Variants in CDKN2B-AS1 observed in about 807,000 individuals in gnomAD.
The protein encoded by CDKN2B-AS1 is CDKN2B and CDKN2A antisense cis and trans regulatory RNA 1.
At chr9:22,113,511 G>A (rs1048288719) in intron 4 of CDKN2B-AS1, among the ~76,000 whole-genome samples, 4 of 152,192 alleles carry the variant, frequency 2.6e-5, no homozygotes, top group African/African-American at 9.6e-5. Flanking sequence ...GCAGAGACTA[G>A]GGTATAAAAT....
intron 4 of CDKN2B-AS1, among the ~76,000 whole-genome samples, chr9:22,059,283 T>C (rs987380460): frequency 6.6e-6 from 1 of 152,202 alleles, no homozygotes; most frequent in African/African-American, 2.4e-5. Context: ...ACTTCCTAGA[T>C]ACAATGGTGG....
chr9:22,047,890 C>T (rs552494246), intron 2 of CDKN2B-AS1, among the ~76,000 whole-genome samples: 1 of 151,426 alleles, frequency 6.6e-6, no homozygotes, highest in Non-Finnish European at 1.5e-5. Flanking sequence ...GGGCTATAGT[C>T]GTCCTCCTGC....
chr9:22,006,035 C>T lies in CDKN2B-AS1; in HGVS notation n.29+10874C>T. ...GGTACCCTGCAACGTCGCGGTGGCC[C>T]CGCTCCTCGGCCAAGTCCACGGGCA... On this transcript the variant is annotated intron_variant and non_coding_transcript_variant, in intron 1 of 4. Coordinates refer to ENST00000650946, the Ensembl canonical transcript of CDKN2B-AS1. This position sits in a 1 kb window ranked among gnomAD's most constrained non-coding sequence, Gnocchi z 6.4. 1.2e-6 allele frequency: 2 copies of T among 1,604,258 alleles called. No individual in the cohort carries two copies. The highest frequency in any genetic ancestry group is 1.7e-6 in the Non-Finnish European group (2 of 1,179,484).
rs1287621042 is a variant in CDKN2B-AS1 at position 21,997,686 on chromosome 9, A to C, written n.29+2525A>C. Among the ~76,000 whole-genome samples, 2 of 152,060 alleles carry C rather than the reference A, an allele frequency of 1.3e-5. No individual in the cohort carries two copies. Among genetic ancestry groups the C allele is most frequent in the Non-Finnish European group, 2.9e-5 (2 of 68,020 alleles). Reference sequence around the variant, plus strand: ...TCTCTTAAGCTCTTCAACTGCTTGGATGAGGACCACCCATATTATTGAGGA... The same window carrying C: ...TCTCTTAAGCTCTTCAACTGCTTGGCTGAGGACCACCCATATTATTGAGGA... On this transcript the variant is annotated intron_variant and non_coding_transcript_variant, in intron 1 of 4. Transcript: ENST00000650946. This position sits in a 1 kb window ranked among gnomAD's most constrained non-coding sequence, Gnocchi z 4.8.
chr9:22,071,836 A>G (rs945533757), intron 4 of CDKN2B-AS1, among the ~76,000 whole-genome samples: 1 of 152,218 alleles, frequency 6.6e-6, no homozygotes, highest in African/African-American at 2.4e-5. Flanking sequence ...ACTTCTAGTC[A>G]GTATTACTTA....
chr9:22,119,853 G>C (rs1563993435), intron 4 of CDKN2B-AS1: 2 of 152,162 alleles, frequency 1.3e-5, no homozygotes, highest in Admixed American at 6.5e-5. Flanking sequence ...TTCTTCAGTG[G>C]GCTTGAGGCT....
At chr9:22,087,992 T>C (rs1218404403) in intron 4 of CDKN2B-AS1, among the ~76,000 whole-genome samples, 2 of 152,190 alleles carry the variant, frequency 1.3e-5, no homozygotes, top group Non-Finnish European at 2.9e-5. Flanking sequence ...AGTGGTAAAA[T>C]AATCCTTCCA....
At chr9:21,994,856 C>G (rs1288360269), upstream of CDKN2B-AS1, 1 of 162,212 alleles carries the variant, frequency 6.2e-6, no homozygotes, top group East Asian at 1.6e-4. Flanking sequence ...TCTGGTGCTG[C>G]TCGCGTCCCC....
At chr9:22,009,249 C>A in intron 1 of CDKN2B-AS1, 1 of 550,148 alleles carries the variant, frequency 1.8e-6, no homozygotes, top group Non-Finnish European at 3.3e-6. Context: ...GCCGCTCTGG[C>A]CGCAGGGTGC....
intron 1 of CDKN2B-AS1, among the ~76,000 whole-genome samples, chr9:22,026,292 C>G (rs1822236091): frequency 6.6e-6 from 1 of 151,922 alleles, no homozygotes; most frequent in Non-Finnish European, 1.5e-5. Flanking sequence ...CTGGAGAACA[C>G]TGGCAGGTGT....
intron 1 of CDKN2B-AS1, chr9:22,046,286 A>AATG (rs1261035542): frequency 6.6e-6 from 1 of 152,164 alleles, no homozygotes; most frequent in African/African-American, 2.4e-5. Flanking sequence ...AACTTCATGA[A>AATG]ATAAATCATC....
chr9:22,056,328 A>C (rs904721388), exon 4 of CDKN2B-AS1: 1 of 150,874 alleles, frequency 6.6e-6, no homozygotes, highest in Admixed American at 6.6e-5. Flanking sequence ...TCGGCCTCCC[A>C]AAGTGCTGGG....
At chr9:22,064,343 A>G (rs1296497050) in intron 4 of CDKN2B-AS1, among the ~76,000 whole-genome samples, 1 of 152,162 alleles carries the variant, frequency 6.6e-6, no homozygotes, top group Admixed American at 6.5e-5. Context: ...TTCCTACCTT[A>G]GCTCTGTGTC....
chr9:22,009,181 G>T (rs1026517201), intron 1 of CDKN2B-AS1: 1 of 645,410 alleles, frequency 1.5e-6, no homozygotes, highest in African/African-American at 1.8e-5. Context: ...AGAACCAGCG[G>T]GCGCGCCTGG....
intron 4 of CDKN2B-AS1, among the ~76,000 whole-genome samples, chr9:22,093,129 C>T (rs1207064332): frequency 3.3e-5 from 5 of 150,420 alleles, no homozygotes; most frequent in African/African-American, 1.2e-4. Flanking sequence ...TGTAGGTGAG[C>T]GGTTTTGAGT....
intron 4 of CDKN2B-AS1, among the ~76,000 whole-genome samples, chr9:22,074,194 A>G (rs1478515911): frequency 6.6e-6 from 1 of 152,188 alleles, no homozygotes; most frequent in East Asian, 1.9e-4. Flanking sequence ...TTGAGGTCCT[A>G]TAATTTTAAG....
At chr9:22,009,510 T>A (rs1821392265) in intron 1 of CDKN2B-AS1, 2 of 236,708 alleles carry the variant, frequency 8.4e-6, no homozygotes, top group Admixed American at 5.3e-5. Flanking sequence ...GAATGCTGGC[T>A]GCACTGCTCG....
At chr9:22,016,521 G>A (rs1451015421) in intron 1 of CDKN2B-AS1, among the ~76,000 whole-genome samples, 3 of 152,180 alleles carry the variant, frequency 2.0e-5, no homozygotes, top group African/African-American at 7.2e-5. Context: ...CAAAGCTGGA[G>A]GCATCATGCA....
chr9:22,002,018 A>G (rs1288277067), intron 1 of CDKN2B-AS1, among the ~76,000 whole-genome samples: 1 of 152,036 alleles, frequency 6.6e-6, no homozygotes, highest in Non-Finnish European at 1.5e-5. Context: ...TAAAATTAAA[A>G]TTGTCTTATT....
Sources: gnomAD v4.1 joint callset for allele counts (sites outside exome capture counted in the v4.1 genomes callset) on GRCh38, gnomAD v4.1.1 for gene constraint, Gnocchi (gnomAD v3.1) non-coding constraint, MANE v1.5 for transcripts, NCBI Gene and HGNC (gene_info 2026-07-23, HGNC 2026-07-21) for gene names.